Variants in SCAPER observed in about 807,000 individuals in gnomAD.
SCAPER encodes the protein S-phase cyclin A associated protein in the ER, also known as S phase cyclin A-associated protein in the endoplasmic reticulum.
SCAPER carries 98 observed loss-of-function variants against 182.2 expected under a neutral mutation model. That is an observed-to-expected ratio of 0.54 (90% confidence interval 0.46 to 0.64). SCAPER has a LOEUF of 0.64. Among genes scored for constraint, SCAPER ranks in the 30% least tolerant of loss-of-function variants. The probability of loss-of-function intolerance (pLI) is 0.00; values close to 1 mark genes in which losing one functional copy is unlikely to be tolerated. For synonymous variants in SCAPER, 605 were observed against 564.6 expected (o/e 1.07, Z -1.01); for missense variants, 1,432 against 1,690.0 (o/e 0.85, Z 2.68).
chr15:76,423,118 G>C (rs1272605922), intron 26 of SCAPER, among the ~76,000 whole-genome samples: 1 of 152,158 alleles, frequency 6.6e-6, no homozygotes, highest in African/African-American at 2.4e-5. Flanking sequence ...TTGGTATCAG[G>C]ATGATGCTGG....
rs58117069 is a variant in SCAPER, at chr15:76,762,367, C to CTT, written c.1725+2592_1725+2593dup. On this transcript the variant is annotated intron_variant, in intron 14 of 31. Transcript: ENST00000563290. ...TCTTCATTTGTTATTTGATTGTGGGCTTTTTTTTTTTTTTCTAATGGTTTG... is the reference window on the plus strand; with the variant it reads ...TCTTCATTTGTTATTTGATTGTGGGCTTTTTTTTTTTTTTTTCTAATGGTTTG... Among the ~76,000 whole-genome samples the CTT allele has an allele frequency of 4.5e-4, 59 of 131,674 alleles. 1 individual carries two copies. Among genetic ancestry groups the CTT allele is most frequent in the Non-Finnish European group, 7.5e-4 (47 of 62,480 alleles). The allele number at this position is 131,674 out of a possible 152,430, so 86.4% of individuals were successfully genotyped here.
intron 21 of SCAPER, among the ~76,000 whole-genome samples, chr15:76,631,116 C>T (rs1009628327): frequency 2.6e-5 from 4 of 152,056 alleles, no homozygotes; most frequent in Non-Finnish European, 5.9e-5. Context: ...ATTGCAACCC[C>T]TGCTTTTTTG....
intron 23 of SCAPER, among the ~76,000 whole-genome samples, chr15:76,531,710 T>C (rs2043681861): frequency 6.6e-6 from 1 of 152,152 alleles, no homozygotes; most frequent in Non-Finnish European, 1.5e-5. Context: ...AGCCTGCACC[T>C]ACTTAATGAA....
chr15:76,841,903 G>T lies in SCAPER; in HGVS notation c.224C>A (p.Ser75Ter). The T allele has an allele frequency of 6.2e-7, 1 of 1,613,584 alleles. No homozygotes were observed. The highest frequency in any genetic ancestry group is 8.5e-7 in the Non-Finnish European group (1 of 1,179,738). Residue 75 changes from serine (S) to a stop codon, truncating the protein, a stop_gained, in exon 5 of 32, where the codon TCG becomes TAG. Coordinates refer to ENST00000563290, the MANE Select transcript of SCAPER (RefSeq NM_020843.4). LOFTEE classifies it high-confidence loss of function. Reference sequence around the variant, plus strand: ...AAAGTGTTTATCTCCAGTCGTAGACGATGTTATTTTACAGTCCACTGCAGT... The same window carrying T: ...AAAGTGTTTATCTCCAGTCGTAGACTATGTTATTTTACAGTCCACTGCAGT... ...QSTAVDCKIT[S>*]STTGDKHFDK... is the part of the protein sequence containing the mutation.
chr15:76,384,810 A>G (rs2043187935), intron 27 of SCAPER, among the ~76,000 whole-genome samples: 1 of 152,192 alleles, frequency 6.6e-6, no homozygotes, highest in African/African-American at 2.4e-5. Context: ...TTTAGCTTGA[A>G]GTACAGATAA....
intron 21 of SCAPER, among the ~76,000 whole-genome samples, chr15:76,658,842 G>A (rs1427053258): frequency 6.6e-6 from 1 of 152,174 alleles, no homozygotes; most frequent in African/African-American, 2.4e-5. Flanking sequence ...TTCATTAAAT[G>A]GTGCTGGGGT....
intron 24 of SCAPER, among the ~76,000 whole-genome samples, chr15:76,477,939 T>A (rs180929539): frequency 6.6e-6 from 1 of 152,132 alleles, no homozygotes; most frequent in East Asian, 1.9e-4. Context: ...TATCTTAATT[T>A]TTTTTTTTAG....
intron 28 of SCAPER, chr15:76,380,293 A>T (rs958035542): frequency 6.6e-6 from 1 of 152,150 alleles, no homozygotes; most frequent in African/African-American, 2.4e-5. Context: ...GTTACCTCCT[A>T]AGGCTAGTTC....
chr15:76,747,351 C>T (rs1598487930), intron 15 of SCAPER, among the ~76,000 whole-genome samples: 1 of 151,974 alleles, frequency 6.6e-6, no homozygotes, highest in African/African-American at 2.4e-5. Context: ...AAAATACAAA[C>T]ATTAGCTGGG....
At chr15:76,874,615 C>A (rs182935753) in intron 2 of SCAPER, among the ~76,000 whole-genome samples, 100 of 152,168 alleles carry the variant, frequency 6.6e-4, no homozygotes, top group Non-Finnish European at 1.3e-3. Context: ...CACTACAGAT[C>A]CTAGAAACCT....
chr15:76,525,266 A>G (rs954508070), intron 23 of SCAPER, among the ~76,000 whole-genome samples: 2 of 152,204 alleles, frequency 1.3e-5, no homozygotes, highest in Non-Finnish European at 2.9e-5. Context: ...CATATCTATC[A>G]TAAGGCCCTT....
chr15:76,645,434 C>T (rs1414331899), intron 21 of SCAPER, among the ~76,000 whole-genome samples: 1 of 152,052 alleles, frequency 6.6e-6, no homozygotes, highest in Non-Finnish European at 1.5e-5. Context: ...ATACAATGAA[C>T]AGTCATAGAC....
At chr15:76,793,154 A>T in intron 8 of SCAPER, 1 of 927,002 alleles carries the variant, frequency 1.1e-6, no homozygotes, top group Non-Finnish European at 1.6e-6. Context: ...ATCTTTAACT[A>T]GAATTATTTT....
intron 22 of SCAPER, among the ~76,000 whole-genome samples, chr15:76,620,517 T>C (rs368490525): frequency 6.6e-6 from 1 of 152,222 alleles, no homozygotes; most frequent in African/African-American, 2.4e-5. Context: ...TTTATTACAA[T>C]GCCTAATACT....
intron 22 of SCAPER, among the ~76,000 whole-genome samples, chr15:76,618,217 G>C (rs759358559): frequency 6.6e-6 from 1 of 152,130 alleles, no homozygotes; most frequent in Non-Finnish European, 1.5e-5. Context: ...TCGAGATCAC[G>C]CCACTACATT....
At chr15:76,594,170 C>T (rs1364103959) in intron 22 of SCAPER, among the ~76,000 whole-genome samples, 2 of 118,886 alleles carry the variant, frequency 1.7e-5, no homozygotes, top group African/African-American at 2.6e-5. Flanking sequence ...ACGAGAACTT[C>T]GTGAAGCATA....
chr15:76,512,637 T>C (rs558595866), intron 23 of SCAPER, among the ~76,000 whole-genome samples: 1 of 152,082 alleles, frequency 6.6e-6, no homozygotes, highest in East Asian at 1.9e-4. Context: ...CATTTTAATG[T>C]ATACATCTAT....
chr15:76,561,092 C>T (rs1481514258), intron 23 of SCAPER, among the ~76,000 whole-genome samples: 2 of 152,088 alleles, frequency 1.3e-5, no homozygotes, highest in Non-Finnish European at 2.9e-5. Flanking sequence ...TAAGTATTTA[C>T]TCACTGCGTG....
rs2065133746 is a variant in SCAPER at position 76,793,539 on chromosome 15, A to T, written c.772+1741T>A. The T allele has an allele frequency of 1.3e-5, 5 of 371,174 alleles. No homozygotes were observed. The South Asian group carries it at 4.1e-4, about 30-fold the overall frequency. 23.0% of individuals were successfully genotyped at this position (371,174 alleles called of 1,614,324 possible). ...CCTAGATAATGAAGTTTCTATAAAAACCTTTTTTAAAAACAGGGTTAGGGA... is the reference window on the plus strand; with the variant it reads ...CCTAGATAATGAAGTTTCTATAAAATCCTTTTTTAAAAACAGGGTTAGGGA... On this transcript the variant is annotated intron_variant, in intron 8 of 31. Transcript: ENST00000563290.
Sources: gnomAD v4.1 joint callset for allele counts (sites outside exome capture counted in the v4.1 genomes callset) on GRCh38, gnomAD v4.1.1 for gene constraint, MANE v1.5 for transcripts, NCBI Gene and HGNC (gene_info 2026-07-23, HGNC 2026-07-21) for gene names.